CPNE4: variants seen among roughly 807,000 people sequenced by gnomAD.
CPNE4 encodes copine-4.
In CPNE4, 25 loss-of-function variants were observed where a neutral mutation model predicts 67.9. That is an observed-to-expected ratio of 0.37 (90% CI 0.27 to 0.51). CPNE4 has a LOEUF of 0.51. CPNE4 is among the 20% of genes least tolerant of loss of function. The pLI, the probability that CPNE4 is intolerant of heterozygous loss-of-function variation, is 0.93. For missense variants in CPNE4, 464 were observed against 690.8 expected, an observed-to-expected ratio of 0.67 and a Z score of 3.68; for synonymous variants, 242 against 244.9, an observed-to-expected ratio of 0.99 and a Z score of 0.11.
At chr3:131,684,157 T>C (rs1414337385) in intron 6 of CPNE4, among the ~76,000 whole-genome samples, 5 of 152,216 alleles carry the variant, frequency 3.3e-5, no homozygotes, top group Non-Finnish European at 7.3e-5. Flanking sequence ...ATGAAAGTGC[T>C]TTTTGTGTGT....
At chr3:131,799,966 ATC>A in intron 2 of CPNE4, among the ~76,000 whole-genome samples, 1 of 149,458 alleles carries the variant, frequency 6.7e-6, no homozygotes, top group Non-Finnish European at 1.5e-5. Flanking sequence ...TATTTCATAC[ATC>A]TCTTTCTCCC....
At chr3:131,839,051 T>C (rs570259356) in intron 2 of CPNE4, among the ~76,000 whole-genome samples, 1 of 152,084 alleles carries the variant, frequency 6.6e-6, no homozygotes, top group African/African-American at 2.4e-5. Flanking sequence ...GTAAGCTTTT[T>C]AGAAAACAAT....
chr3:131,913,132 C>G (rs2089044710), intron 1 of CPNE4, among the ~76,000 whole-genome samples: 2 of 152,022 alleles, frequency 1.3e-5, no homozygotes, highest in South Asian at 4.2e-4. Flanking sequence ...AGGGCTCCCC[C>G]CACTCCATCA....
chr3:131,958,968 T>C (rs55820665), intron 1 of CPNE4, among the ~76,000 whole-genome samples: 978 of 29,730 alleles, frequency 0.033, 204 homozygotes, highest in South Asian at 0.048. Context: ...TGATACACCT[T>C]TCTTTTTTTT....
intron 7 of CPNE4, among the ~76,000 whole-genome samples, chr3:131,647,031 G>C (rs184232050): frequency 3.9e-5 from 6 of 152,320 alleles, no homozygotes; most frequent in Admixed American, 1.3e-4. Flanking sequence ...TACTGTGCCT[G>C]CAGCTGTCTT....
chr3:131,778,406 T>C (rs778345363), intron 2 of CPNE4, among the ~76,000 whole-genome samples: 1 of 152,202 alleles, frequency 6.6e-6, no homozygotes, highest in Non-Finnish European at 1.5e-5. Context: ...TGTCTGGCAC[T>C]TACAAGTGAT....
chr3:131,706,695 A>G (rs925523869), intron 3 of CPNE4, among the ~76,000 whole-genome samples: 11 of 152,210 alleles, frequency 7.2e-5, no homozygotes, highest in Admixed American at 2.0e-4. Context: ...AAGTCTGATA[A>G]GAAACATTTG....
At chr3:131,764,112 G>A (rs2082952264) in intron 2 of CPNE4, among the ~76,000 whole-genome samples, 1 of 151,970 alleles carries the variant, frequency 6.6e-6, no homozygotes, top group African/African-American at 2.4e-5. Flanking sequence ...CCAGGCATTT[G>A]AACCCAGCAA....
intron 2 of CPNE4, among the ~76,000 whole-genome samples, chr3:131,882,159 CACAA>C (rs2087697113): frequency 6.8e-6 from 1 of 146,088 alleles, no homozygotes; most frequent in South Asian, 2.2e-4. Context: ...CACACACACA[CACAA>C]CCTACATCTC....
intron 6 of CPNE4, among the ~76,000 whole-genome samples, chr3:131,682,857 GT>G (rs1434207481): frequency 2.0e-5 from 3 of 152,046 alleles, no homozygotes; most frequent in Admixed American, 6.5e-5. Context: ...ATAAGACAAA[GT>G]TTTTCCCACT....
At chr3:131,660,527 G>C (rs2080096912) in intron 7 of CPNE4, among the ~76,000 whole-genome samples, 1 of 152,114 alleles carries the variant, frequency 6.6e-6, no homozygotes, top group African/African-American at 2.4e-5. Flanking sequence ...GCCACATGTG[G>C]GTAGTGGCTA....
Position 131,725,388 on chromosome 3 carries a change from C to G in CPNE4, c.181-1763G>C, listed in dbSNP as rs573690610. Among the ~76,000 whole-genome samples, 54 of 152,246 alleles carry G rather than the reference C, an allele frequency of 3.5e-4. 1 individual carries two copies. The highest frequency in any genetic ancestry group is 6.5e-4 in the Admixed American group (10 of 15,290). On this transcript the variant is annotated intron_variant, in intron 2 of 15. Coordinates refer to ENST00000429747, the MANE Select transcript of CPNE4 (RefSeq NM_130808.3). ...GAAGAGTATGATTCTGATTATGTCC[C>G]CATCCAATAAATAGGCATACAGAAA...
intron 2 of CPNE4, among the ~76,000 whole-genome samples, chr3:131,830,834 T>A (rs1407599075): frequency 6.6e-6 from 1 of 152,126 alleles, no homozygotes; most frequent in Non-Finnish European, 1.5e-5. Flanking sequence ...GAATAAATAT[T>A]TATTGAAGAA....
At chr3:131,663,562 C>A (rs1336153143) in intron 7 of CPNE4, among the ~76,000 whole-genome samples, 1 of 151,868 alleles carries the variant, frequency 6.6e-6, no homozygotes, top group Non-Finnish European at 1.5e-5. Flanking sequence ...TGGCAAATGG[C>A]CTGTACCAGC....
intron 2 of CPNE4, among the ~76,000 whole-genome samples, chr3:131,723,860 G>T (rs2081943528): frequency 6.6e-6 from 1 of 152,116 alleles, no homozygotes; most frequent in African/African-American, 2.4e-5. Flanking sequence ...AGAGCTCATT[G>T]TATGAGTTTG....
At chr3:131,885,187 G>A (rs1251384025) in intron 2 of CPNE4, among the ~76,000 whole-genome samples, 1 of 152,130 alleles carries the variant, frequency 6.6e-6, no homozygotes, top group Non-Finnish European at 1.5e-5. Context: ...GGTCTCAAAT[G>A]GAGATGAGGA....
At chr3:131,904,934 G>C (rs535224555) in intron 2 of CPNE4, among the ~76,000 whole-genome samples, 1 of 152,086 alleles carries the variant, frequency 6.6e-6, no homozygotes, top group African/African-American at 2.4e-5. Context: ...CCCCGGCCCA[G>C]TCTGGGGTCT....
intron 1 of CPNE4, among the ~76,000 whole-genome samples, chr3:132,021,875 G>T (rs781185113): frequency 6.6e-6 from 1 of 152,076 alleles, no homozygotes; most frequent in South Asian, 2.1e-4. Context: ...GAAGGGAATC[G>T]GATTCACAAA....
intron 11 of CPNE4, among the ~76,000 whole-genome samples, chr3:131,561,653 C>G (rs1354076922): frequency 6.6e-6 from 1 of 152,060 alleles, no homozygotes; most frequent in South Asian, 2.1e-4. Context: ...GGAGGAATTT[C>G]TAAGGCTCAT....
Sources: gnomAD v4.1 joint callset for allele counts (sites outside exome capture counted in the v4.1 genomes callset) on GRCh38, gnomAD v4.1.1 for gene constraint, MANE v1.5 for transcripts, NCBI Gene and HGNC (gene_info 2026-07-23, HGNC 2026-07-21) for gene names.